Variants in SEC24C observed in about 807,000 individuals in gnomAD.
SEC24C encodes SEC24 homolog C, COPII component, also known as protein transport protein Sec24C.
A neutral mutation model predicts 117.0 loss-of-function variants in SEC24C; 22 were observed. The observed-to-expected ratio is 0.19, with a 90% CI of 0.13 to 0.27. The LOEUF (loss-of-function observed/expected upper bound fraction) is 0.27, where lower values mean the gene tolerates loss of function less well. SEC24C is among the 10% of genes least tolerant of loss of function. The probability of loss-of-function intolerance (pLI) is 1.00; values close to 1 mark genes in which losing one functional copy is unlikely to be tolerated. For synonymous variants in SEC24C, 506 were observed against 529.4 expected (o/e 0.96, Z 0.61); for missense variants, 1,155 against 1,375.1 (o/e 0.84, Z 2.53).
chr10:73,770,569 A>G, intron 21 of SEC24C, 98 bp downstream of exon 21: 1 of 1,519,360 alleles, frequency 6.6e-7, no homozygotes, highest in Non-Finnish European at 9.1e-7. Context: ...CTCAAATATC[A>G]GGGAACACTT....
chr10:73,745,834 G>A (rs900586000), intron 1 of SEC24C, among the ~76,000 whole-genome samples: 2 of 152,022 alleles, frequency 1.3e-5, no homozygotes, highest in African/African-American at 4.8e-5. Context: ...ACAGGCATGA[G>A]CCACTGTGCC....
chr10:73,746,863 C>A lies in SEC24C; in HGVS notation c.31C>A (p.Pro11Thr), dbSNP rs146510673. MNVNQSVPPVPPFGQPQPIYP... is the reference protein window; with the variant it reads MNVNQSVPPVTPFGQPQPIYP... ...CGTCAACCAGTCAGTTCCACCTGTG[C>A]CACCATTTGGGCAGCCCCAGCCCAT... The change falls in exon 2 of 23, where the codon CCA (proline) becomes ACA (threonine). Residue 11 changes from proline to threonine, a missense_variant. This residue lies in a region of SEC24C where 396 missense variants were observed against 382.8 expected (regional missense o/e 1.03). Coordinates refer to ENST00000345254, the MANE Select transcript of SEC24C (RefSeq NM_198597.3). 1 of 1,612,108 alleles carries A rather than the reference C, an allele frequency of 6.2e-7. No homozygotes were observed. The highest frequency in any genetic ancestry group is 1.3e-5 in the African/African-American group (1 of 75,006).
rs552438411 is a variant in SEC24C at position 73,749,087 on chromosome 10, C to T, written c.173-2021C>T. ...AAGGTACTGTGTTTCTGCCTTAAGC[C>T]ATCTAGTGGGAACACATCTCCCAGG... On this transcript the variant is annotated intron_variant, in intron 2 of 22. Coordinates refer to ENST00000345254, the MANE Select transcript of SEC24C (RefSeq NM_198597.3). Among the ~76,000 whole-genome samples the T allele has an allele frequency of 2.5e-4, 38 of 152,226 alleles. No homozygotes were observed. The Middle Eastern group carries it at 0.014, about 55-fold the overall frequency.
rs2082556856 is a variant in SEC24C, at chr10:73,746,597, G to T, written c.-28-208G>T. Reference sequence around the variant, plus strand: ...TACTATTTAGACAGTGACAAAGGGTGGATGGTCAGAATAACAAAATCCTTG... The same window carrying T: ...TACTATTTAGACAGTGACAAAGGGTTGATGGTCAGAATAACAAAATCCTTG... On this transcript the variant is annotated intron_variant, in intron 1 of 22. Coordinates refer to ENST00000345254, the MANE Select transcript of SEC24C (RefSeq NM_198597.3). The T allele has an allele frequency of 9.3e-6, 4 of 432,300 alleles. No individual in the cohort carries two copies. In the South Asian group the frequency reaches 1.9e-4, roughly 20 times the overall value. 26.8% of individuals were successfully genotyped at this position (432,300 alleles called of 1,614,324 possible). A position where few individuals can be genotyped will look rare whatever the true frequency, so the allele number is the denominator to read the frequency against.
rs1219815202 is a variant in SEC24C at position 73,771,093 on chromosome 10, T to TAA, written c.3285_*1dup. 1 of 1,613,672 alleles carries TAA rather than the reference T, an allele frequency of 6.2e-7. No individual in the cohort carries two copies. Among genetic ancestry groups the TAA allele is most frequent in the African/African-American group, 1.3e-5 (1 of 74,880 alleles). Residue 1095 remains the stop codon, a frameshift_variant and stop_retained_variant, in exon 23 of 23, where the codon TAA becomes TAAAA. Coordinates refer to ENST00000345254, the MANE Select transcript of SEC24C (RefSeq NM_198597.3). LOFTEE classifies it high-confidence loss of function. The stretch of plus-strand genomic sequence containing the variant: ...CAAGGAGATTCGGCAGCTACTGAGC[T>TAA]AAAGCAAGTGGGTAAATGGCATAGG... ...MHKEIRQLLS[*]
rs779458573 is a variant in SEC24C at position 73,760,296 on chromosome 10, C to G, written c.760C>G (p.Leu254Val). The stretch of plus-strand genomic sequence containing the variant: ...CCATGTGTCTTCACCTCCTCAAGCT[C>G]TGCCCCCTGGCACCCAGATGACTGG... ...PNHVSSPPQA[L>V]PPGTQMTGPL... is the part of the protein sequence containing the mutation. Residue 254 changes from leucine to valine, a missense_variant, in exon 5 of 23, where the codon CTG becomes GTG. This residue lies in a region of SEC24C where 396 missense variants were observed against 382.8 expected (regional missense o/e 1.03). Transcript: ENST00000345254. The G allele has an allele frequency of 1.2e-6, 2 of 1,613,780 alleles. No homozygotes were observed. Among genetic ancestry groups the G allele is most frequent in the South Asian group, 2.2e-5 (2 of 91,082 alleles).
intron 3 of SEC24C, among the ~76,000 whole-genome samples, chr10:73,755,701 C>T (rs186582007): frequency 1.0e-3 from 153 of 151,642 alleles, no homozygotes; most frequent in Middle Eastern, 3.4e-3. Context: ...AAGTTTCAAC[C>T]GGGTGGTAGA....
intron 3 of SEC24C, among the ~76,000 whole-genome samples, chr10:73,755,396 G>A (rs892446027): frequency 6.6e-6 from 1 of 152,118 alleles, no homozygotes; most frequent in Non-Finnish European, 1.5e-5. Context: ...CAGAGTTTCA[G>A]GCCAGGCGCG....
At position 73,771,451 on chromosome 10, in the gene SEC24C, A is replaced by C; in HGVS notation, c.*356A>C. On this transcript the variant is annotated 3_prime_UTR_variant, in exon 23 of 23. Coordinates refer to ENST00000345254, the MANE Select transcript of SEC24C (RefSeq NM_198597.3). Reference sequence around the variant, plus strand: ...ACCAGTCTCCCAAGAGGAGAGGGGCAGGCAGGAAAGAGTGGGGATCCTAAG... The same window carrying C: ...ACCAGTCTCCCAAGAGGAGAGGGGCCGGCAGGAAAGAGTGGGGATCCTAAG... 1 of 222,520 alleles carries C rather than the reference A, an allele frequency of 4.5e-6. No homozygotes were observed. 13.8% of individuals were successfully genotyped at this position (222,520 alleles called of 1,614,324 possible).
rs771824011 is a variant in SEC24C, at chr10:73,768,855, G to A, written c.2227G>A (p.Val743Ile). 20 of 1,613,982 alleles carry A rather than the reference G, an allele frequency of 1.2e-5. No individual in the cohort carries two copies. The highest frequency in any genetic ancestry group is 1.7e-5 in the Non-Finnish European group (20 of 1,180,054). The change falls in exon 16 of 23, where the codon GTC (valine) becomes ATC (isoleucine). Residue 743 changes from valine to isoleucine, a missense_variant. By Grantham distance (29) the Val-to-Ile change is conservative (BLOSUM62 3). Around this residue, in one of 2 missense-constraint regions of SEC24C, gnomAD observed 759 missense variants for 992.3 expected, o/e 0.76. Coordinates refer to ENST00000345254, the MANE Select transcript of SEC24C (RefSeq NM_198597.3). The stretch of plus-strand genomic sequence containing the variant: ...GTTCCTGAGTGACCTGCGTCGTGAT[G>A]TCCAGAAGGTTGTTGGCTTTGATGC... ...ERFLSDLRRD[V>I]QKVVGFDAVM...
intron 3 of SEC24C, chr10:73,752,008 G>C (rs1340557016): frequency 6.6e-6 from 1 of 152,188 alleles, no homozygotes; most frequent in Non-Finnish European, 1.5e-5. Context: ...GATACTAAAA[G>C]GGAAACCACA....
At chr10:73,768,695 C>A in intron 15 of SEC24C, 115 bp from the exon 16 acceptor site, 2 of 881,620 alleles carry the variant, frequency 2.3e-6, no homozygotes, top group East Asian at 2.6e-5. Context: ...ATCATCCTCA[C>A]TGTTATGATG....
At chr10:73,758,858 TG>T (rs2082752062) in intron 3 of SEC24C, among the ~76,000 whole-genome samples, 9 of 152,218 alleles carry the variant, frequency 5.9e-5, no homozygotes, top group Admixed American at 5.9e-4. Flanking sequence ...TTTTTGTGTG[TG>T]TGTGTGTGTG....
In SEC24C at chr10:73,765,432, C is replaced by T. The variant is rs1194048153; in HGVS notation, c.1228-19C>T. The stretch of plus-strand genomic sequence containing the variant: ...TGTGGTTTTCCTTTATGTCTGATCC[C>T]TTCCCCTTTGCGCCTTAGGCTTCAC... On this transcript the variant is annotated intron_variant, in intron 8 of 22. Transcript: ENST00000345254. The T allele has an allele frequency of 1.2e-6, 2 of 1,604,574 alleles. No individual in the cohort carries two copies. The highest frequency in any genetic ancestry group is 1.7e-6 in the Non-Finnish European group (2 of 1,172,024).
At chr10:73,766,582 G>T in intron 12 of SEC24C, 41 bp downstream of exon 12, 1 of 1,559,520 alleles carries the variant, frequency 6.4e-7, no homozygotes, top group South Asian at 1.2e-5. Context: ...GGGGTGGCAT[G>T]GGTACCACCA....
In SEC24C at chr10:73,751,157, A is replaced by G; in HGVS notation, c.222A>G (p.Ala74=). ...CGGGGGCACCTCCAGCCTCAACAGCACAGGCTCCTTGTGGCCAGGCTGCAT... is the reference window on the plus strand; with the variant it reads ...CGGGGGCACCTCCAGCCTCAACAGCGCAGGCTCCTTGTGGCCAGGCTGCAT... ...PSSGAPPAST[A]QAPCGQAAYG... is the part of the protein sequence containing the mutation. The change falls in exon 3 of 23, where the codon GCA becomes GCG. Residue 74 remains alanine, a synonymous_variant. Transcript: ENST00000345254. The G allele has an allele frequency of 6.2e-7, 1 of 1,614,214 alleles. No homozygotes were observed. Among genetic ancestry groups the G allele is most frequent in the Non-Finnish European group, 8.5e-7 (1 of 1,180,016 alleles).
At chr10:73,763,698 T>TTTA (rs1309320258) in intron 7 of SEC24C, 97 bp downstream of exon 7, 7 of 747,140 alleles carry the variant, frequency 9.4e-6, no homozygotes, top group Non-Finnish European at 1.2e-5. Context: ...TTTTTTTTTT[T>TTTA]TAGTTTTTAA....
chr10:73,751,333 G>C, intron 3 of SEC24C, 90 bp downstream of exon 3: 2 of 1,308,008 alleles, frequency 1.5e-6, no homozygotes, highest in South Asian at 1.5e-5. Flanking sequence ...GGCTGAGGTG[G>C]GTGGATCACC....
intron 1 of SEC24C, among the ~76,000 whole-genome samples, 166 bp downstream of exon 1, chr10:73,744,603 C>T (rs1184703635): frequency 6.6e-6 from 1 of 152,178 alleles, no homozygotes; most frequent in Non-Finnish European, 1.5e-5. Context: ...AGGTCCTAGA[C>T]CATCCCTTCG....
Sources: gnomAD v4.1 joint callset for allele counts (sites outside exome capture counted in the v4.1 genomes callset) on GRCh38, gnomAD v4.1.1 for gene constraint, gnomAD v4.1.1 regional missense constraint, MANE v1.5 for transcripts, NCBI Gene and HGNC (gene_info 2026-07-23, HGNC 2026-07-21) for gene names.